The following SOBP variants were observed in gnomAD, a reference collection of about 807,000 sequenced individuals.
SOBP encodes the protein sine oculis-binding protein homolog.
In SOBP, 4 loss-of-function variants were observed where a neutral mutation model predicts 53.6. The observed-to-expected ratio is 0.07, with a 90% CI of 0.04 to 0.17. The LOEUF (loss-of-function observed/expected upper bound fraction) is 0.17. SOBP is among the 10% of genes least tolerant of loss of function. The probability of loss-of-function intolerance (pLI) is 1.00; values close to 1 mark genes in which losing one functional copy is unlikely to be tolerated. For synonymous variants in SOBP, 584 were observed against 522.6 expected (o/e 1.12, Z -1.60); for missense variants, 1,088 against 1,204.7 (o/e 0.90, Z 1.43).
At chr6:107,651,345 A>C (rs1292304937) in intron 6 of SOBP, among the ~76,000 whole-genome samples, 1 of 152,220 alleles carries the variant, frequency 6.6e-6, no homozygotes, top group Non-Finnish European at 1.5e-5. Context: ...TGATATAGAG[A>C]AAATTTGAGT....
At chr6:107,567,933 A>G (rs1277786311) in intron 4 of SOBP, among the ~76,000 whole-genome samples, 1 of 152,128 alleles carries the variant, frequency 6.6e-6, no homozygotes, top group Admixed American at 6.5e-5. Flanking sequence ...CTGGCTCCAG[A>G]GTGGGTGTGT....
intron 4 of SOBP, among the ~76,000 whole-genome samples, chr6:107,566,802 C>A (rs776679766): frequency 6.6e-6 from 1 of 152,194 alleles, no homozygotes; most frequent in Admixed American, 6.5e-5. Flanking sequence ...GGGAGGAAAT[C>A]GGACTGAAGC....
chr6:107,656,827 T>G (rs991396696), intron 6 of SOBP, among the ~76,000 whole-genome samples: 3 of 152,240 alleles, frequency 2.0e-5, no homozygotes, highest in African/African-American at 7.2e-5. Context: ...CTGGGGTCCC[T>G]TCAAGTCCTA....
chr6:107,606,973 CTGT>C (rs1195171360), intron 5 of SOBP, among the ~76,000 whole-genome samples: 1 of 152,178 alleles, frequency 6.6e-6, no homozygotes, highest in East Asian at 1.9e-4. Context: ...TGGGTTTCGC[CTGT>C]TGTTGGGAGA....
At chr6:107,606,970 C>T (rs953905220) in intron 5 of SOBP, among the ~76,000 whole-genome samples, 4 of 152,168 alleles carry the variant, frequency 2.6e-5, no homozygotes, top group African/African-American at 7.2e-5. Flanking sequence ...CCTTGGGTTT[C>T]GCCTGTTGTT....
Position 107,635,303 on chromosome 6 carries a change from T to G in SOBP, c.2459T>G (p.Met820Arg). 1 of 1,613,878 alleles carries G rather than the reference T, an allele frequency of 6.2e-7. No homozygotes were observed. The highest frequency in any genetic ancestry group is 1.3e-5 in the African/African-American group (1 of 75,050). The change falls in exon 6 of 7, where the codon ATG becomes AGG. Residue 820 changes from methionine to arginine, a missense_variant. Met to Arg is a moderately conservative substitution (Grantham distance 91). This residue lies in a region of SOBP where 665 missense variants were observed against 629.7 expected (regional missense o/e 1.06). Transcript: ENST00000317357. This position sits in a 1 kb window ranked among gnomAD's most constrained non-coding sequence, Gnocchi z 4.5. The stretch of plus-strand genomic sequence containing the variant: ...GAGGACCATGCCTATGCTCTGCGGA[T>G]GCTGCCCAAGACCGGCTGCGTGATC... ...ADEDHAYALR[M>R]LPKTGCVIQP... is the part of the protein sequence containing the mutation.
Position 107,659,120 on chromosome 6 carries a change from CAG to C in SOBP, c.*919_*920del, listed in dbSNP as rs1215395471. The C allele has an allele frequency of 6.6e-6, 1 of 152,562 alleles. No homozygotes were observed. Among genetic ancestry groups the C allele is most frequent in the East Asian group, 1.9e-4 (1 of 5,204 alleles). The allele number at this position is 152,562 out of a possible 1,614,324, so 9.5% of individuals were successfully genotyped here. On this transcript the variant is annotated 3_prime_UTR_variant, in exon 7 of 7. Coordinates refer to ENST00000317357, the MANE Select transcript of SOBP (RefSeq NM_018013.4). ...TATTTGCTGGGCGTCAGGAAAGACT[CAG>C]ATGAAATTTCAACCCTGATGGTTTT...
intron 3 of SOBP, among the ~76,000 whole-genome samples, chr6:107,527,648 G>A (rs569208113): frequency 2.0e-5 from 3 of 152,224 alleles, no homozygotes; most frequent in East Asian, 1.9e-4. Context: ...GTCCTTGATC[G>A]ACTTACTCTT....
At chr6:107,638,881 A>G (rs1170722003) in intron 6 of SOBP, among the ~76,000 whole-genome samples, 1 of 150,414 alleles carries the variant, frequency 6.6e-6, no homozygotes, top group Non-Finnish European at 1.5e-5. Flanking sequence ...ATACTGTAGT[A>G]CTATTTTATT....
rs769518740 is a variant in SOBP, at chr6:107,633,828, G to A, written c.984G>A (p.Ala328=). 6 of 1,613,998 alleles carry A rather than the reference G, an allele frequency of 3.7e-6. No individual in the cohort carries two copies. The highest frequency in any genetic ancestry group is 2.2e-5 in the South Asian group (2 of 91,078). The part of the protein sequence containing the change: ...AGQSQGPGPS[A]STTVSPSDTA... ...AAAGCCAGGGCCCTGGCCCGTCGGC[G>A]TCCACCACCGTCTCTCCATCTGACA... Residue 328 remains alanine (A), a synonymous_variant, in exon 6 of 7, where the codon GCG becomes GCA. Coordinates refer to ENST00000317357, the MANE Select transcript of SOBP (RefSeq NM_018013.4).
At position 107,661,168 on chromosome 6, in the gene SOBP, C is replaced by T. The variant is rs1319415167; in HGVS notation, c.*2965C>T. ...TCTGGAAACAAAAGGTACCTTTGTT[C>T]CAGCATAGAAAGATTCTGTGGCATC... On this transcript the variant is annotated 3_prime_UTR_variant, in exon 7 of 7. Coordinates refer to ENST00000317357, the MANE Select transcript of SOBP (RefSeq NM_018013.4). Among the ~76,000 whole-genome samples, 4 of 152,200 alleles carry T rather than the reference C, an allele frequency of 2.6e-5. No individual in the cohort carries two copies. The highest frequency in any genetic ancestry group is 9.6e-5 in the African/African-American group (4 of 41,452).
intron 3 of SOBP, 127 bp downstream of exon 3, chr6:107,506,554 A>C (rs913800261): frequency 7.1e-6 from 7 of 985,242 alleles, no homozygotes; most frequent in Non-Finnish European, 1.1e-5. Flanking sequence ...ATAGGTAAGA[A>C]ATGTTAATAC....
At chr6:107,548,168 A>G (rs1369131053) in intron 4 of SOBP, among the ~76,000 whole-genome samples, 1 of 152,190 alleles carries the variant, frequency 6.6e-6, no homozygotes, top group Non-Finnish European at 1.5e-5. Context: ...CTTACCAACA[A>G]CAACAAAAGG....
intron 1 of SOBP, among the ~76,000 whole-genome samples, chr6:107,497,561 T>A (rs1249563499): frequency 6.6e-6 from 1 of 152,098 alleles, no homozygotes; most frequent in Non-Finnish European, 1.5e-5. Flanking sequence ...ACTGTCAACA[T>A]TTTGATATAT....
intron 3 of SOBP, among the ~76,000 whole-genome samples, chr6:107,531,210 C>G (rs1783814491): frequency 6.6e-6 from 1 of 152,198 alleles, no homozygotes; most frequent in African/African-American, 2.4e-5. Context: ...TGAGGGGGAC[C>G]TAATGCATGT....
In SOBP at chr6:107,549,335, C is replaced by T. The variant is rs117994989; in HGVS notation, c.573+15725C>T. ...ATCCAGAGAATTAATTATAAAGAGG[C>T]ATACTCCCAAGCCCTATACTGGGGT... On this transcript the variant is annotated intron_variant, in intron 4 of 6. Coordinates refer to ENST00000317357, the MANE Select transcript of SOBP (RefSeq NM_018013.4). Among the ~76,000 whole-genome samples, 1,019 of 151,968 alleles carry T rather than the reference C, an allele frequency of 6.7e-3. 2 individuals are homozygous for T. The highest frequency in any genetic ancestry group is 0.011 in the Non-Finnish European group (750 of 67,950).
At chr6:107,552,318 G>T (rs943778188) in intron 4 of SOBP, among the ~76,000 whole-genome samples, 5 of 152,208 alleles carry the variant, frequency 3.3e-5, no homozygotes, top group African/African-American at 1.2e-4. Context: ...TTGTCTTGAT[G>T]GAGAACTGCA....
intron 5 of SOBP, among the ~76,000 whole-genome samples, chr6:107,633,092 T>C (rs1467413271): frequency 6.6e-6 from 1 of 152,162 alleles, no homozygotes; most frequent in Non-Finnish European, 1.5e-5. Flanking sequence ...TGAGGAGAAT[T>C]GTAAGGGGTA....
At chr6:107,579,401 C>T (rs1433085293) in intron 4 of SOBP, among the ~76,000 whole-genome samples, 1 of 152,166 alleles carries the variant, frequency 6.6e-6, no homozygotes, top group Non-Finnish European at 1.5e-5. Flanking sequence ...GCAAAAGGGT[C>T]ACCTGTCCAA....
Sources: allele counts gnomAD v4.1 joint callset (sites outside exome capture counted in the v4.1 genomes callset), GRCh38; gene constraint gnomAD v4.1.1; regional missense constraint gnomAD v4.1.1; non-coding constraint Gnocchi (gnomAD v3.1); transcripts MANE v1.5; gene names NCBI Gene and HGNC (gene_info 2026-07-23, HGNC 2026-07-21).